Variants in POM121C observed in about 807,000 individuals in gnomAD.
The protein encoded by POM121C is POM121 transmembrane nucleoporin C, also known as nuclear envelope pore membrane protein POM 121C.
Under a neutral mutation model 66.4 loss-of-function variants are expected in POM121C, and 20 were observed. The ratio of observed to expected loss-of-function variants is 0.30; its 90% CI spans 0.21 to 0.44. The LOEUF is 0.44. Among genes scored for constraint, POM121C ranks in the 20% least tolerant of loss-of-function variants. POM121C has a pLI of 1.00. For synonymous variants in POM121C, 286 were observed against 528.0 expected, an observed-to-expected ratio of 0.54 and a Z score of 6.28; for missense variants, 580 against 1,225.7, an observed-to-expected ratio of 0.47 and a Z score of 7.87.
chr7:75,421,990 G>A lies in POM121C; in HGVS notation c.2262C>T (p.Ile754=), dbSNP rs781995234. Residue 754 remains isoleucine, a synonymous_variant, in exon 13 of 15, where the codon ATC becomes ATT. Coordinates refer to ENST00000615331, the MANE Select transcript of POM121C (RefSeq NM_001099415.3). ...PTPAPASTIK[I]VPAHVPTPIQ... is the part of the protein sequence containing the mutation. The stretch of plus-strand genomic sequence containing the variant: ...TGGGCGTAGGCACGTGCGCAGGCAC[G>A]ATCTTGATCGTGGACGCAGGTGCAG... 9 of 1,613,816 alleles carry A rather than the reference G, an allele frequency of 5.6e-6. No individual in the cohort carries two copies. Among genetic ancestry groups the A allele is most frequent in the Admixed American group, 1.7e-5 (1 of 60,016 alleles).
chr7:75,419,275 C>T, intron 14 of POM121C, 45 bp downstream of exon 14: 1 of 1,580,148 alleles, frequency 6.3e-7, no homozygotes, highest in South Asian at 1.2e-5. Context: ...CACCCAACCT[C>T]TCCTCAGACA....
At chr7:75,485,599 GGAA>G (rs1554480758) in intron 1 of POM121C, among the ~76,000 whole-genome samples, 1 of 152,162 alleles carries the variant, frequency 6.6e-6, no homozygotes, top group African/African-American at 2.4e-5. Flanking sequence ...GAGAGGAGGA[GGAA>G]GGACTGTTAG....
rs782505444 is a variant in POM121C at position 75,422,006 on chromosome 7, G to A, written c.2246C>T (p.Ala749Val). The change falls in exon 13 of 15, where the codon GCG (alanine) becomes GTG (valine). Residue 749 changes from alanine (A) to valine (V), a missense_variant. Physicochemically the swap from Ala to Val is moderately conservative, Grantham distance 64. Coordinates refer to ENST00000615331, the MANE Select transcript of POM121C (RefSeq NM_001099415.3). ...APATAPTPAP[A>V]STIKIVPAHV... ...CGCAGGCACGATCTTGATCGTGGAC[G>A]CAGGTGCAGGTGTGGGTGCAGTAGC... 1.8e-5 allele frequency: 29 copies of A among 1,613,816 alleles called. No homozygotes were observed. The highest frequency in any genetic ancestry group is 1.7e-4 in the Admixed American group (10 of 60,034).
At chr7:75,474,146 C>G (rs1363095036) in intron 3 of POM121C, among the ~76,000 whole-genome samples, 2 of 152,128 alleles carry the variant, frequency 1.3e-5, no homozygotes, top group African/African-American at 4.8e-5. Context: ...GTAATCTCAG[C>G]ACTTGGGGAG....
intron 7 of POM121C, among the ~76,000 whole-genome samples, chr7:75,433,256 A>T (rs1790256946): frequency 6.6e-6 from 1 of 151,164 alleles, no homozygotes; most frequent in African/African-American, 2.4e-5. Context: ...AAAAAAAAAA[A>T]AAAAGAATGT....
intron 11 of POM121C, 41 bp downstream of exon 11, chr7:75,424,485 A>G (rs1584648677): frequency 6.3e-7 from 1 of 1,595,378 alleles, no homozygotes; most frequent in Non-Finnish European, 8.6e-7. Flanking sequence ...GAAAACAGAC[A>G]CCTGAAACCT....
chr7:75,450,972 A>C (rs1260519579), intron 3 of POM121C, among the ~76,000 whole-genome samples: 1 of 152,026 alleles, frequency 6.6e-6, no homozygotes, highest in African/African-American at 2.4e-5. Flanking sequence ...AAACTCTATA[A>C]ATCGTGAAGG....
intron 1 of POM121C, among the ~76,000 whole-genome samples, chr7:75,481,791 A>G (rs2116554219): frequency 6.6e-6 from 1 of 152,328 alleles, no homozygotes. Context: ...GTGCCAGCCT[A>G]GGCGACAGAG....
At chr7:75,479,617 AAATAAAT>A (rs1162573547) in intron 1 of POM121C, among the ~76,000 whole-genome samples, 5,470 of 34,040 alleles carry the variant, frequency 0.16, 480 homozygotes, top group African/African-American at 0.37. Flanking sequence ...CTCTGTCTCT[AAATAAAT>A]AAATAAATAA....
chr7:75,440,777 C>A, intron 5 of POM121C, 177 bp downstream of exon 5: 1 of 1,081,662 alleles, frequency 9.2e-7, no homozygotes, highest in East Asian at 2.4e-5. Context: ...TAACCTGTGC[C>A]TTGAAATGAA....
intron 7 of POM121C, among the ~76,000 whole-genome samples, chr7:75,427,425 ACT>A (rs1171285607): frequency 1.2e-3 from 173 of 147,804 alleles, no homozygotes; most frequent in African/African-American, 4.1e-3. Flanking sequence ...ACAGAGTGAG[ACT>A]CTGTCTCAAA....
At position 75,416,871 on chromosome 7, in the gene POM121C, C is replaced by A; in HGVS notation, c.*1925G>T. ...TACTAAAAATTCCAACTAGACTCAA[C>A]AGGAATGAAGTCTCTATTTGTAATG... On this transcript the variant is annotated 3_prime_UTR_variant, in exon 15 of 15. Transcript: ENST00000615331. The A allele has an allele frequency of 6.9e-7, 1 of 1,441,992 alleles. No homozygotes were observed. The highest frequency in any genetic ancestry group is 2.5e-5 in the East Asian group (1 of 40,044). 89.3% of individuals were successfully genotyped at this position (1,441,992 alleles called of 1,614,324 possible). A position where few individuals can be genotyped will look rare whatever the true frequency, so the allele number is the denominator to read the frequency against.
At chr7:75,459,683 TAAAAA>T (rs1391448729) in intron 3 of POM121C, among the ~76,000 whole-genome samples, 1 of 142,482 alleles carries the variant, frequency 7.0e-6, no homozygotes, top group East Asian at 2.1e-4. Context: ...AAAATTAAAT[TAAAAA>T]AGAGAAATTT....
intron 3 of POM121C, among the ~76,000 whole-genome samples, chr7:75,472,445 A>G (rs1584711836): frequency 6.6e-6 from 1 of 152,102 alleles, no homozygotes; most frequent in Non-Finnish European, 1.5e-5. Flanking sequence ...TCTGGGAGGC[A>G]GAGGTTATCG....
chr7:75,451,007 C>T (rs1383883174), intron 3 of POM121C, among the ~76,000 whole-genome samples: 2 of 152,028 alleles, frequency 1.3e-5, no homozygotes, highest in African/African-American at 4.8e-5. Flanking sequence ...AACTACAAAC[C>T]ACTGCTCAAG....
At chr7:75,454,100 G>C (rs1554476035) in intron 3 of POM121C, among the ~76,000 whole-genome samples, 1 of 152,230 alleles carries the variant, frequency 6.6e-6, no homozygotes, top group East Asian at 1.9e-4. Flanking sequence ...GATGTGCACA[G>C]GCTCAAGGAA....
intron 7 of POM121C, among the ~76,000 whole-genome samples, chr7:75,431,421 T>C (rs1331055007): frequency 2.0e-5 from 3 of 151,146 alleles, no homozygotes; most frequent in African/African-American, 7.3e-5. Context: ...CTGACCAACA[T>C]GCAGAAACCC....
chr7:75,455,763 T>C (rs1367464580), intron 3 of POM121C, among the ~76,000 whole-genome samples: 1 of 152,234 alleles, frequency 6.6e-6, no homozygotes, highest in African/African-American at 2.4e-5. Context: ...ATCTACCGTG[T>C]CTATTTTCAT....
intron 7 of POM121C, among the ~76,000 whole-genome samples, chr7:75,433,807 A>G (rs1790286622): frequency 6.6e-6 from 1 of 152,196 alleles, no homozygotes; most frequent in Admixed American, 6.5e-5. Context: ...AACTTACACC[A>G]ATACTGTAAG....
Sources: allele counts gnomAD v4.1 joint callset (sites outside exome capture counted in the v4.1 genomes callset), GRCh38; gene constraint gnomAD v4.1.1; transcripts MANE v1.5; gene names NCBI Gene and HGNC (gene_info 2026-07-23, HGNC 2026-07-21).